Variants in FUT9 observed in about 807,000 individuals in gnomAD.
FUT9 encodes 4-galactosyl-N-acetylglucosaminide 3-alpha-L-fucosyltransferase 9.
Under a neutral mutation model 29.7 loss-of-function variants are expected in FUT9, and 15 were observed. The ratio of observed to expected loss-of-function variants is 0.51; its 90% confidence interval spans 0.34 to 0.78. FUT9 has a LOEUF of 0.78. Among genes scored for constraint, FUT9 ranks in the 30% least tolerant of loss-of-function variants. The pLI, the probability that FUT9 is intolerant of heterozygous loss-of-function variation, is 0.01. For synonymous variants in FUT9, 169 were observed against 153.7 expected (o/e 1.10, Z -0.74); for missense variants, 319 against 425.4 (o/e 0.75, Z 2.20).
At chr6:96,099,895 T>C (rs1339176108) in intron 1 of FUT9, among the ~76,000 whole-genome samples, 4 of 152,158 alleles carry the variant, frequency 2.6e-5, no homozygotes, top group Admixed American at 6.5e-5. Flanking sequence ...TCTTTATTAA[T>C]TGAACTTTAA....
chr6:96,178,957 G>C (rs1244742690), intron 2 of FUT9, among the ~76,000 whole-genome samples: 1 of 151,906 alleles, frequency 6.6e-6, no homozygotes, highest in Non-Finnish European at 1.5e-5. Flanking sequence ...TGATTTCACA[G>C]TTATCAACTA....
chr6:96,023,941 A>G (rs1770117038), intron 1 of FUT9, among the ~76,000 whole-genome samples: 1 of 151,906 alleles, frequency 6.6e-6, no homozygotes, highest in Non-Finnish European at 1.5e-5. Context: ...ACTTCACTAC[A>G]TTTGGCCTTT....
At chr6:96,022,794 A>G (rs1770097020) in intron 1 of FUT9, among the ~76,000 whole-genome samples, 3 of 151,882 alleles carry the variant, frequency 2.0e-5, no homozygotes, top group African/African-American at 4.8e-5. Context: ...TAAGGTCTTC[A>G]GGATCAGGAG....
chr6:96,100,975 C>T (rs1483190884), intron 1 of FUT9, among the ~76,000 whole-genome samples: 6 of 152,068 alleles, frequency 3.9e-5, no homozygotes, highest in African/African-American at 7.2e-5. Context: ...GGATTAAAGA[C>T]GGCATCAAGA....
intron 1 of FUT9, among the ~76,000 whole-genome samples, chr6:96,063,845 A>G (rs1770916842): frequency 6.6e-6 from 1 of 152,192 alleles, no homozygotes. Context: ...TATCTCAGCC[A>G]ATTTCATTGA....
chr6:96,050,885 C>T (rs992816282), intron 1 of FUT9, among the ~76,000 whole-genome samples: 8 of 151,994 alleles, frequency 5.3e-5, no homozygotes, highest in African/African-American at 1.7e-4. Flanking sequence ...AATTACTTAA[C>T]GTAACACATT....
chr6:96,117,606 A>AAACAC (rs1455587748), intron 2 of FUT9, among the ~76,000 whole-genome samples: 1 of 152,190 alleles, frequency 6.6e-6, no homozygotes, highest in Non-Finnish European at 1.5e-5. Flanking sequence ...TTCTTTATTT[A>AAACAC]AACACAAGAA....
At chr6:96,058,825 G>T (rs1419104213) in intron 1 of FUT9, among the ~76,000 whole-genome samples, 1 of 152,074 alleles carries the variant, frequency 6.6e-6, no homozygotes, top group African/African-American at 2.4e-5. Context: ...GATTATACTT[G>T]TTCAGTAGAA....
At chr6:96,159,405 C>A (rs994839051) in intron 2 of FUT9, among the ~76,000 whole-genome samples, 1 of 151,888 alleles carries the variant, frequency 6.6e-6, no homozygotes, top group African/African-American at 2.4e-5. Flanking sequence ...AACTTCCTTC[C>A]AAAAATCAAA....
At chr6:96,043,130 C>T (rs12210451) in intron 1 of FUT9, among the ~76,000 whole-genome samples, 3,994 of 152,208 alleles carry the variant, frequency 0.026, 192 homozygotes, top group African/African-American at 0.091. Flanking sequence ...CGGCTCACTG[C>T]AAGCTCCGCC....
chr6:96,088,646 A>G (rs1398347782), intron 1 of FUT9, among the ~76,000 whole-genome samples: 2 of 151,806 alleles, frequency 1.3e-5, no homozygotes. Flanking sequence ...TGCAGGGTCT[A>G]ATATGTGGTT....
intron 2 of FUT9, among the ~76,000 whole-genome samples, chr6:96,182,513 G>A (rs777175112): frequency 2.0e-5 from 3 of 151,906 alleles, no homozygotes; most frequent in Non-Finnish European, 4.4e-5. Context: ...ATGTCTAGAG[G>A]TCTTTTCCAA....
chr6:96,182,789 C>T (rs1582291202), intron 2 of FUT9, among the ~76,000 whole-genome samples: 1 of 151,926 alleles, frequency 6.6e-6, no homozygotes, highest in East Asian at 1.9e-4. Flanking sequence ...ATTCTGTTCC[C>T]TTGGTCTATG....
chr6:96,024,558 G>A (rs1484558497), intron 1 of FUT9, among the ~76,000 whole-genome samples: 1 of 151,702 alleles, frequency 6.6e-6, no homozygotes, highest in East Asian at 1.9e-4. Flanking sequence ...ATACATTGCT[G>A]TTTTTCTAGG....
intron 2 of FUT9, among the ~76,000 whole-genome samples, chr6:96,180,536 A>C (rs1028014260): frequency 1.3e-4 from 20 of 151,992 alleles, no homozygotes; most frequent in Admixed American, 1.3e-3. Flanking sequence ...AACATATAAT[A>C]ATGTACATAT....
intron 2 of FUT9, 119 bp downstream of exon 2, chr6:96,114,246 A>C (rs1419491466): frequency 6.6e-6 from 1 of 152,120 alleles, no homozygotes; most frequent in African/African-American, 2.4e-5. Flanking sequence ...TCCAAGTTAC[A>C]GAATAATTTC....
At position 96,052,397 on chromosome 6, in the gene FUT9, T is replaced by C. The variant is rs546709020; in HGVS notation, c.-98+36185T>C. On this transcript the variant is annotated intron_variant, in intron 1 of 2. Coordinates refer to ENST00000302103, the MANE Select transcript of FUT9 (RefSeq NM_006581.4). ...ATATTGTCACTCTTTCTTTCCATGA[T>C]ATTTATTCTCTGCTGAGTTCCCTGC... Among the ~76,000 whole-genome samples the C allele has an allele frequency of 3.1e-4, 47 of 152,332 alleles. 1 individual carries two copies. In the South Asian group the frequency reaches 5.4e-3, roughly 17 times the overall value.
intron 2 of FUT9, among the ~76,000 whole-genome samples, chr6:96,197,643 A>T (rs1773650320): frequency 6.6e-6 from 1 of 152,198 alleles, no homozygotes; most frequent in African/African-American, 2.4e-5. Context: ...TACACAAAAA[A>T]ATAGTAAATG....
chr6:96,027,308 T>C (rs1302471331), intron 1 of FUT9, among the ~76,000 whole-genome samples: 1 of 151,704 alleles, frequency 6.6e-6, no homozygotes, highest in East Asian at 1.9e-4. Context: ...TTACTTCTAT[T>C]CTAACCCTGC....
Sources: gnomAD v4.1 joint callset for allele counts (sites outside exome capture counted in the v4.1 genomes callset) on GRCh38, gnomAD v4.1.1 for gene constraint, MANE v1.5 for transcripts, NCBI Gene and HGNC (gene_info 2026-07-23, HGNC 2026-07-21) for gene names.